MTSS1: variants seen among roughly 807,000 people sequenced by gnomAD.
MTSS1 encodes protein MTSS 1.
Under a neutral mutation model 79.0 loss-of-function variants are expected in MTSS1, and 18 were observed. That is an observed-to-expected ratio of 0.23 (90% CI 0.16 to 0.34). The LOEUF is 0.34. MTSS1 is among the 10% of genes least tolerant of loss of function. The pLI is 1.00. For missense variants in MTSS1, 815 were observed against 986.2 expected, an observed-to-expected ratio of 0.83 and a Z score of 2.33; for synonymous variants, 341 against 368.6, an observed-to-expected ratio of 0.93 and a Z score of 0.86.
intron 3 of MTSS1, among the ~76,000 whole-genome samples, chr8:124,629,125 T>G (rs947980004): frequency 6.6e-6 from 1 of 152,210 alleles, no homozygotes; most frequent in Non-Finnish European, 1.5e-5. Context: ...AACAGCCCTG[T>G]GCATAAGCAC....
chr8:124,684,558 G>A (rs1826645795), intron 3 of MTSS1, among the ~76,000 whole-genome samples: 1 of 152,134 alleles, frequency 6.6e-6, no homozygotes, highest in Non-Finnish European at 1.5e-5. Context: ...AGCAGTAATT[G>A]AAAACTTCAA....
At position 124,553,815 on chromosome 8, in the gene MTSS1, CCAGGCTTCTCTACCATCTTCAGAAAG is replaced by C; in HGVS notation, c.1568-149_1568-124del. 1.2e-6 allele frequency: 1 copy of C among 831,928 alleles called. No homozygotes were observed. The highest frequency in any genetic ancestry group is 1.8e-6 in the Non-Finnish European group (1 of 548,648). The allele number at this position is 831,928 out of a possible 1,614,324, so 51.5% of individuals were successfully genotyped here. ...CACACAGTCTCATCCCAAGCTTCCC[CCAGGCTTCTCTACCATCTTCAGAAAG>C]CCTCACCAACTAAGAACTCCGTGGC... On this transcript the variant is annotated intron_variant, in intron 13 of 13. Transcript: ENST00000518547. The surrounding 1 kb of genome is among the most constrained non-coding windows in gnomAD (Gnocchi z 6.0).
At chr8:124,718,628 G>A (rs1293269139) in intron 1 of MTSS1, among the ~76,000 whole-genome samples, 2 of 152,166 alleles carry the variant, frequency 1.3e-5, no homozygotes, top group African/African-American at 4.8e-5. Context: ...CTGCAGGAGA[G>A]GAGTCCGGCC....
chr8:124,555,592 C>G (rs941864566), intron 13 of MTSS1, 150 bp downstream of exon 13: 9 of 1,025,110 alleles, frequency 8.8e-6, no homozygotes, highest in African/African-American at 8.1e-5. Flanking sequence ...TACAGATGAG[C>G]TCCCCAAAGC....
intron 3 of MTSS1, among the ~76,000 whole-genome samples, chr8:124,692,955 A>G (rs1459904409): frequency 6.6e-6 from 1 of 152,124 alleles, no homozygotes; most frequent in Non-Finnish European, 1.5e-5. Flanking sequence ...GGTGGGGAAG[A>G]TAGTGACAGC....
intron 11 of MTSS1, among the ~76,000 whole-genome samples, chr8:124,556,961 C>T (rs1054357988): frequency 6.6e-6 from 1 of 152,206 alleles, no homozygotes; most frequent in South Asian, 2.1e-4. Flanking sequence ...AGGCCCACAC[C>T]GCCTGTGAGG....
At chr8:124,645,142 AG>A (rs1818769153) in intron 3 of MTSS1, among the ~76,000 whole-genome samples, 1 of 152,154 alleles carries the variant, frequency 6.6e-6, no homozygotes, top group Non-Finnish European at 1.5e-5. Context: ...CTGAGGTGAG[AG>A]GATCACTTGA....
chr8:124,627,785 G>A lies in MTSS1; in HGVS notation c.209-36550C>T, dbSNP rs1587406426. Among the ~76,000 whole-genome samples, 9 of 152,348 alleles carry A rather than the reference G, an allele frequency of 5.9e-5. 2 individuals are homozygous for A. The highest frequency in any genetic ancestry group is 4.6e-4 in the Admixed American group (7 of 15,308). ...AGCTTCCACAGGCCATAGGGAGTCC[G>A]GGAGAGAAGCACAGGGAGACAGTGT... On this transcript the variant is annotated intron_variant, in intron 3 of 13. Coordinates refer to ENST00000518547, the MANE Select transcript of MTSS1 (RefSeq NM_014751.6).
At chr8:124,606,962 T>C (rs2013845) in intron 3 of MTSS1, among the ~76,000 whole-genome samples, 43,945 of 151,972 alleles carry the variant, frequency 0.29, 7,818 homozygotes, top group African/African-American at 0.49. Context: ...CTCCGCAACC[T>C]GTCTTAGCAG....
intron 3 of MTSS1, among the ~76,000 whole-genome samples, chr8:124,616,838 G>C (rs917825811): frequency 6.6e-6 from 1 of 152,182 alleles, no homozygotes; most frequent in African/African-American, 2.4e-5. Flanking sequence ...CGCTAAGGAG[G>C]CAACTGAGTT....
intron 3 of MTSS1, among the ~76,000 whole-genome samples, chr8:124,657,521 T>C (rs1587630560): frequency 6.7e-6 from 1 of 149,394 alleles, no homozygotes; most frequent in East Asian, 1.9e-4. Context: ...TAGTCACATA[T>C]GGGTGTGAAC....
At chr8:124,686,227 G>T (rs985054127) in intron 3 of MTSS1, among the ~76,000 whole-genome samples, 1 of 152,094 alleles carries the variant, frequency 6.6e-6, no homozygotes, top group Admixed American at 6.6e-5. Context: ...ATCCAGCTCC[G>T]CCTCCCTGAG....
rs1458228451 is a variant in MTSS1 at position 124,550,919 on chromosome 8, T to C, written c.*2073A>G. ...TGCACAGGGAGAGGTCAACTCTCAG[T>C]ACAAACTAGCAACTAAAGCACAATA... On this transcript the variant is annotated 3_prime_UTR_variant, in exon 14 of 14. Coordinates refer to ENST00000518547, the MANE Select transcript of MTSS1 (RefSeq NM_014751.6). The C allele has an allele frequency of 2.0e-5, 3 of 152,670 alleles. No individual in the cohort carries two copies. The highest frequency in any genetic ancestry group is 4.4e-5 in the Non-Finnish European group (3 of 68,046). 9.5% of individuals were successfully genotyped at this position (152,670 alleles called of 1,614,324 possible).
intron 1 of MTSS1, among the ~76,000 whole-genome samples, chr8:124,717,565 C>T (rs1327709377): frequency 6.7e-6 from 1 of 150,098 alleles, no homozygotes; most frequent in Admixed American, 6.6e-5. Context: ...ACTGCACACT[C>T]CGGCCTGGGG....
At chr8:124,627,684 C>T (rs1402778663) in intron 3 of MTSS1, among the ~76,000 whole-genome samples, 1 of 152,156 alleles carries the variant, frequency 6.6e-6, no homozygotes, top group Non-Finnish European at 1.5e-5. Context: ...GGGGGGGTCC[C>T]CCAGGGATCA....
At chr8:124,576,511 A>T (rs1205852672) in intron 6 of MTSS1, among the ~76,000 whole-genome samples, 1 of 152,200 alleles carries the variant, frequency 6.6e-6, no homozygotes, top group Admixed American at 6.5e-5. Flanking sequence ...TTGAGTGTAG[A>T]TGCTACTTTT....
chr8:124,682,649 A>G (rs1386419425), intron 3 of MTSS1, among the ~76,000 whole-genome samples: 3 of 152,202 alleles, frequency 2.0e-5, no homozygotes, highest in Admixed American at 2.0e-4. Flanking sequence ...CAGCAAGGGG[A>G]GACCAGGCTG....
chr8:124,554,053 G>A (rs149569912), intron 13 of MTSS1, among the ~76,000 whole-genome samples: 56 of 152,346 alleles, frequency 3.7e-4, no homozygotes, highest in African/African-American at 1.2e-3. Context: ...AGAACTCAAC[G>A]TGAAGATCAA....
chr8:124,627,374 A>G (rs1050865293), intron 3 of MTSS1, among the ~76,000 whole-genome samples: 3 of 152,150 alleles, frequency 2.0e-5, no homozygotes, highest in Non-Finnish European at 4.4e-5. Flanking sequence ...TCAACATTTC[A>G]CCTTCTCCAC....
Sources: allele counts gnomAD v4.1 joint callset (sites outside exome capture counted in the v4.1 genomes callset), GRCh38; gene constraint gnomAD v4.1.1; non-coding constraint Gnocchi (gnomAD v3.1); transcripts MANE v1.5; gene names NCBI Gene and HGNC (gene_info 2026-07-23, HGNC 2026-07-21).